Variants in NELL2 observed in about 807,000 individuals in gnomAD.
NELL2 encodes the protein neural EGFL like 2, also known as protein kinase C-binding protein NELL2.
Under a neutral mutation model 109.6 loss-of-function variants are expected in NELL2, and 41 were observed. The observed-to-expected ratio is 0.37, with a 90% CI of 0.29 to 0.49. NELL2 has a LOEUF of 0.49. Ranked by LOEUF, NELL2 falls within the 20% of genes least tolerant of loss-of-function variation. The probability of loss-of-function intolerance (pLI) is 0.98; values close to 1 mark genes in which losing one functional copy is unlikely to be tolerated. For synonymous variants in NELL2, 355 were observed against 344.7 expected, an observed-to-expected ratio of 1.03 and a Z score of -0.33; for missense variants, 900 against 1,008.3, an observed-to-expected ratio of 0.89 and a Z score of 1.45.
At chr12:44,803,685 T>C (rs1001802626) in intron 3 of NELL2, among the ~76,000 whole-genome samples, 11 of 152,024 alleles carry the variant, frequency 7.2e-5, no homozygotes, top group Non-Finnish European at 1.0e-4. Flanking sequence ...CATAAGTTGA[T>C]ATCCTTATTA....
At chr12:44,589,656 G>A (rs1944672029) in intron 15 of NELL2, among the ~76,000 whole-genome samples, 1 of 152,194 alleles carries the variant, frequency 6.6e-6, no homozygotes. Context: ...TGGGATTACA[G>A]GCATGAGAAG....
In NELL2 at chr12:44,831,019, T is replaced by C. The variant is rs559901160; in HGVS notation, c.185-14883A>G. 9.9e-5 allele frequency among the ~76,000 whole-genome samples: 15 copies of C among 151,988 alleles called. No individual in the cohort carries two copies. The South Asian group carries it at 2.3e-3, about 23-fold the overall frequency. On this transcript the variant is annotated intron_variant, in intron 2 of 19. Transcript: ENST00000429094. Reference sequence around the variant, plus strand: ...GACTGGACTTGCCCCATTTACCACATTGGACACCACACCCAACTCCTGCTT... The same window carrying C: ...GACTGGACTTGCCCCATTTACCACACTGGACACCACACCCAACTCCTGCTT...
At chr12:44,839,433 A>T (rs991365276) in intron 2 of NELL2, among the ~76,000 whole-genome samples, 1 of 152,202 alleles carries the variant, frequency 6.6e-6, no homozygotes, top group Non-Finnish European at 1.5e-5. Flanking sequence ...TGTAACAATG[A>T]CCCAGATCAA....
intron 3 of NELL2, among the ~76,000 whole-genome samples, chr12:44,791,085 ATATATATATATG>A (rs1566403452): frequency 0.02 from 335 of 16,826 alleles, 25 homozygotes; most frequent in South Asian, 0.056. Context: ...ATATATACAT[ATATATATATATG>A]TATATATATA....
At chr12:44,532,417 TA>T (rs3215052) in intron 16 of NELL2, 163 bp downstream of exon 16, 242,189 of 552,872 alleles carry the variant, frequency 0.44, 56,123 homozygotes, top group East Asian at 0.65. Context: ...TTAGATACCA[TA>T]ATTAGCAAGA....
chr12:44,757,334 C>T (rs969511623), intron 9 of NELL2, among the ~76,000 whole-genome samples: 2 of 152,076 alleles, frequency 1.3e-5, no homozygotes, highest in South Asian at 2.1e-4. Flanking sequence ...CACAGTGGCT[C>T]GCCTACTGAA....
chr12:44,777,002 A>G (rs1566369186), intron 7 of NELL2, 40 bp downstream of exon 7: 2 of 1,568,506 alleles, frequency 1.3e-6, no homozygotes, highest in Admixed American at 3.3e-5. Context: ...AACATCAAGG[A>G]TTTTTAAGCT....
At position 44,648,474 on chromosome 12, in the gene NELL2, A is replaced by G. The variant is rs1947174685; in HGVS notation, c.1444+17010T>C. On this transcript the variant is annotated intron_variant, in intron 13 of 19. Coordinates refer to ENST00000429094, the MANE Select transcript of NELL2 (RefSeq NM_001145108.2). The stretch of plus-strand genomic sequence containing the variant: ...AAGCTGTAAAAAGACATGAAACTAG[A>G]AAGGAAGACTGCTCTACTAAGGTGT... Among the ~76,000 whole-genome samples the G allele has an allele frequency of 2.0e-5, 3 of 152,042 alleles. No homozygotes were observed. In the South Asian group the frequency reaches 6.2e-4, roughly 31 times the overall value.
At chr12:44,724,798 G>C (rs1458146485) in intron 9 of NELL2, among the ~76,000 whole-genome samples, 1 of 132,698 alleles carries the variant, frequency 7.5e-6, no homozygotes, top group African/African-American at 2.9e-5. Context: ...AGCCTAAATA[G>C]ACAAGGCAAT....
intron 3 of NELL2, among the ~76,000 whole-genome samples, chr12:44,801,933 A>G (rs1444498446): frequency 1.3e-5 from 1 of 77,192 alleles, no homozygotes; most frequent in Non-Finnish European, 3.1e-5. Flanking sequence ...CCAGGTACTC[A>G]AGGAACTTCT....
chr12:44,774,399 T>G (rs1941668557), intron 9 of NELL2, among the ~76,000 whole-genome samples: 1 of 152,232 alleles, frequency 6.6e-6, no homozygotes, highest in Admixed American at 6.5e-5. Flanking sequence ...CATGGATTTC[T>G]TTGGTTATTG....
chr12:44,671,829 C>G (rs932313718), intron 12 of NELL2, among the ~76,000 whole-genome samples: 1 of 152,126 alleles, frequency 6.6e-6, no homozygotes, highest in Admixed American at 6.5e-5. Flanking sequence ...TTAATTAGAC[C>G]CAGACCCTCT....
intron 15 of NELL2, among the ~76,000 whole-genome samples, chr12:44,574,408 C>A (rs940421273): frequency 6.6e-6 from 1 of 152,050 alleles, no homozygotes; most frequent in African/African-American, 2.4e-5. Context: ...ATATGTTCAT[C>A]TTTGACATCA....
At chr12:44,805,729 T>C (rs1243586802) in intron 3 of NELL2, among the ~76,000 whole-genome samples, 2 of 151,850 alleles carry the variant, frequency 1.3e-5, no homozygotes, top group Non-Finnish European at 1.5e-5. Flanking sequence ...AAAAGATCAA[T>C]AGGAAACTAA....
chr12:44,840,653 A>G (rs1944198686), intron 2 of NELL2, among the ~76,000 whole-genome samples: 1 of 151,922 alleles, frequency 6.6e-6, no homozygotes, highest in South Asian at 2.1e-4. Flanking sequence ...AAAAAAAGCC[A>G]TAATATATGC....
intron 1 of NELL2, among the ~76,000 whole-genome samples, chr12:44,912,490 T>C (rs1464728727): frequency 2.0e-5 from 3 of 152,148 alleles, no homozygotes; most frequent in East Asian, 3.8e-4. Context: ...TTTTCCAAAC[T>C]AATTTCACAA....
chr12:44,537,034 A>C (rs1942322474), intron 15 of NELL2, among the ~76,000 whole-genome samples: 1 of 146,168 alleles, frequency 6.8e-6, no homozygotes, highest in Non-Finnish European at 1.5e-5. Flanking sequence ...AAAAAAAAGG[A>C]AAATGTATGA....
chr12:44,685,027 C>T (rs1209501973), intron 12 of NELL2, among the ~76,000 whole-genome samples: 1 of 151,924 alleles, frequency 6.6e-6, no homozygotes, highest in Non-Finnish European at 1.5e-5. Flanking sequence ...GTGTTAAAGT[C>T]TCCCATTATT....
intron 15 of NELL2, among the ~76,000 whole-genome samples, chr12:44,583,368 G>A (rs1436543788): frequency 6.6e-6 from 1 of 152,134 alleles, no homozygotes; most frequent in African/African-American, 2.4e-5. Context: ...CAAATTATTT[G>A]TTTCCATGGA....
Sources: allele counts gnomAD v4.1 joint callset (sites outside exome capture counted in the v4.1 genomes callset), GRCh38; gene constraint gnomAD v4.1.1; transcripts MANE v1.5; gene names NCBI Gene and HGNC (gene_info 2026-07-23, HGNC 2026-07-21).